The following LRRC4C variants were observed in gnomAD, a reference collection of about 807,000 sequenced individuals.
LRRC4C encodes leucine rich repeat containing 4C, also known as leucine-rich repeat-containing protein 4C.
In LRRC4C, 5 loss-of-function variants were observed where a neutral mutation model predicts 33.6. That is an observed-to-expected ratio of 0.15 (90% CI 0.08 to 0.31). The LOEUF is 0.31. Among genes scored for constraint, LRRC4C ranks in the 10% least tolerant of loss-of-function variants. LRRC4C has a pLI of 1.00. For missense variants in LRRC4C, 560 were observed against 796.7 expected, an observed-to-expected ratio of 0.70 and a Z score of 3.58; for synonymous variants, 329 against 302.0, an observed-to-expected ratio of 1.09 and a Z score of -0.93.
At chr11:40,315,977 C>T (rs930259798) in intron 4 of LRRC4C, among the ~76,000 whole-genome samples, 3 of 151,892 alleles carry the variant, frequency 2.0e-5, no homozygotes, top group East Asian at 3.8e-4. Flanking sequence ...TAACCAGGAC[C>T]GAATCATGGG....
chr11:41,305,212 C>A (rs1214371465), intron 1 of LRRC4C, among the ~76,000 whole-genome samples: 1 of 56,294 alleles, frequency 1.8e-5, no homozygotes, highest in East Asian at 6.7e-4. Flanking sequence ...CCAGCCGCCC[C>A]GTCCGGGAGG....
At chr11:40,302,879 T>G (rs1236550602) in intron 4 of LRRC4C, among the ~76,000 whole-genome samples, 1 of 152,174 alleles carries the variant, frequency 6.6e-6, no homozygotes, top group Non-Finnish European at 1.5e-5. Context: ...TTCATAGACC[T>G]CAGTCTGAAT....
intron 5 of LRRC4C, among the ~76,000 whole-genome samples, chr11:40,215,843 A>C (rs1863934378): frequency 6.6e-6 from 1 of 152,190 alleles, no homozygotes; most frequent in African/African-American, 2.4e-5. Flanking sequence ...ACCGCTAAGA[A>C]GGCAAAAAGC....
intron 1 of LRRC4C, among the ~76,000 whole-genome samples, chr11:41,177,211 G>C (rs1945243348): frequency 6.6e-6 from 1 of 152,146 alleles, no homozygotes; most frequent in Non-Finnish European, 1.5e-5. Flanking sequence ...CTGGATAAGA[G>C]AGACTGAAGA....
chr11:40,857,779 G>A (rs982274294), intron 2 of LRRC4C, among the ~76,000 whole-genome samples: 3 of 152,038 alleles, frequency 2.0e-5, no homozygotes, highest in African/African-American at 7.2e-5. Flanking sequence ...GCCAGGCATG[G>A]TGGCATGCAC....
At chr11:40,917,910 G>T (rs947124945) in intron 2 of LRRC4C, among the ~76,000 whole-genome samples, 3 of 151,672 alleles carry the variant, frequency 2.0e-5, no homozygotes, top group Admixed American at 2.0e-4. Context: ...CAATATCATT[G>T]CAATAACAAA....
chr11:40,963,407 G>T (rs1053515183), intron 1 of LRRC4C, among the ~76,000 whole-genome samples: 1 of 151,566 alleles, frequency 6.6e-6, no homozygotes, highest in Admixed American at 6.6e-5. Flanking sequence ...ATCAACATGG[G>T]ATAAATTGTT....
chr11:41,240,939 C>T (rs903728443), intron 1 of LRRC4C, among the ~76,000 whole-genome samples: 4 of 152,054 alleles, frequency 2.6e-5, no homozygotes, highest in African/African-American at 9.7e-5. Context: ...CTACAATAGG[C>T]AGGAAAACTT....
At chr11:40,579,604 A>G (rs1054524884) in intron 3 of LRRC4C, among the ~76,000 whole-genome samples, 1 of 152,154 alleles carries the variant, frequency 6.6e-6, no homozygotes, top group Non-Finnish European at 1.5e-5. Context: ...GAACATTTTC[A>G]TCACCCAAAA....
chr11:40,419,907 C>G (rs942456450), intron 3 of LRRC4C, among the ~76,000 whole-genome samples: 1 of 152,048 alleles, frequency 6.6e-6, no homozygotes, highest in Non-Finnish European at 1.5e-5. Flanking sequence ...AGCACCAGGT[C>G]CAGATATTTG....
chr11:40,439,012 C>A lies in LRRC4C; in HGVS notation c.-269-119291G>T, dbSNP rs1951268314. Among the ~76,000 whole-genome samples, 6 of 148,360 alleles carry A rather than the reference C, an allele frequency of 4.0e-5. No individual in the cohort carries two copies. In the South Asian group the frequency reaches 1.3e-3, roughly 32 times the overall value. ...GTGGCATGATCTCGGTTCACTGCAA[C>A]CTCCGCCTCCCGGGTTCACGCCATT... On this transcript the variant is annotated intron_variant, in intron 3 of 6. Transcript: ENST00000528697.
chr11:40,829,185 G>A (rs1952297828), intron 2 of LRRC4C, among the ~76,000 whole-genome samples: 1 of 151,924 alleles, frequency 6.6e-6, no homozygotes, highest in Admixed American at 6.6e-5. Context: ...TGGGAAATAA[G>A]ATGAAGTACA....
At chr11:41,059,929 G>A (rs1858941499) in intron 1 of LRRC4C, among the ~76,000 whole-genome samples, 1 of 152,072 alleles carries the variant, frequency 6.6e-6, no homozygotes, top group African/African-American at 2.4e-5. Flanking sequence ...GGGGTCTGAG[G>A]CATAAGAATC....
At chr11:40,984,524 G>A (rs1852848565) in intron 1 of LRRC4C, among the ~76,000 whole-genome samples, 1 of 152,112 alleles carries the variant, frequency 6.6e-6, no homozygotes, top group African/African-American at 2.4e-5. Flanking sequence ...CAAATGCAAT[G>A]GTCCTGTAGC....
intron 2 of LRRC4C, among the ~76,000 whole-genome samples, chr11:40,734,356 C>G (rs1947749766): frequency 6.6e-6 from 1 of 152,154 alleles, no homozygotes; most frequent in Admixed American, 6.5e-5. Context: ...AGAAACCACT[C>G]AACTTGTTTA....
chr11:40,817,432 T>C (rs916867852), intron 2 of LRRC4C, among the ~76,000 whole-genome samples: 2 of 152,164 alleles, frequency 1.3e-5, no homozygotes, highest in African/African-American at 2.4e-5. Context: ...AGGACCCTGA[T>C]AGATATGATG....
chr11:41,195,313 AAACTAATAGAT>A (rs1419029726), intron 1 of LRRC4C, among the ~76,000 whole-genome samples: 2 of 152,122 alleles, frequency 1.3e-5, no homozygotes, highest in East Asian at 3.8e-4. Flanking sequence ...TACCAAATAT[AAACTAATAGAT>A]AATCACAATT....
chr11:40,203,156 G>A (rs779096600), intron 5 of LRRC4C, among the ~76,000 whole-genome samples: 2 of 152,016 alleles, frequency 1.3e-5, no homozygotes, highest in Non-Finnish European at 2.9e-5. Context: ...TTGTTACTGG[G>A]TATTTTTATT....
intron 6 of LRRC4C, among the ~76,000 whole-genome samples, chr11:40,124,586 T>C (rs776742570): frequency 6.6e-6 from 1 of 152,166 alleles, no homozygotes; most frequent in Non-Finnish European, 1.5e-5. Context: ...TTCTCACTTA[T>C]CTGTGAGAGC....
Sources: allele counts gnomAD v4.1 joint callset (sites outside exome capture counted in the v4.1 genomes callset), GRCh38; gene constraint gnomAD v4.1.1; transcripts MANE v1.5; gene names NCBI Gene and HGNC (gene_info 2026-07-23, HGNC 2026-07-21).